Variants in TEX36 observed in about 807,000 individuals in gnomAD.
TEX36 encodes testis expressed 36.
In TEX36, 12 loss-of-function variants were observed where a neutral mutation model predicts 13.6. The ratio of observed to expected loss-of-function variants is 0.88; its 90% CI spans 0.56 to 1.43. The LOEUF (loss-of-function observed/expected upper bound fraction) is 1.43. Among genes scored for constraint, TEX36 ranks in the 40% most tolerant of loss-of-function variants. TEX36 has a pLI of 0.00. For synonymous variants in TEX36, 93 were observed against 83.0 expected (o/e 1.12, Z -0.65); for missense variants, 224 against 228.3 (o/e 0.98, Z 0.12).
At chr10:125,579,450 C>T (rs1348022636) in intron 3 of TEX36, among the ~76,000 whole-genome samples, 1 of 152,168 alleles carries the variant, frequency 6.6e-6, no homozygotes, top group Admixed American at 6.5e-5. Flanking sequence ...CATGAAGCCC[C>T]TCACCCAACA....
At chr10:125,634,294 T>C (rs1158841005) in intron 3 of TEX36, among the ~76,000 whole-genome samples, 2 of 152,084 alleles carry the variant, frequency 1.3e-5, no homozygotes, top group Non-Finnish European at 2.9e-5. Context: ...ACATCTCTCT[T>C]TGATGCCAAG....
intron 1 of TEX36, among the ~76,000 whole-genome samples, chr10:125,666,665 C>G (rs960194002): frequency 6.6e-6 from 1 of 152,010 alleles, no homozygotes; most frequent in Admixed American, 6.6e-5. Flanking sequence ...TCTCTCCCCG[C>G]CCCCCCTCCT....
intron 3 of TEX36, 50 bp from the exon 4 acceptor site, chr10:125,656,246 G>GTTTTT: frequency 2.3e-6 from 1 of 432,932 alleles, no homozygotes; most frequent in Non-Finnish European, 3.5e-6. Flanking sequence ...AGTTCACATA[G>GTTTTT]TTCTTTTTTT....
At chr10:125,606,956 A>C (rs1457507746) in intron 3 of TEX36, among the ~76,000 whole-genome samples, 1 of 152,234 alleles carries the variant, frequency 6.6e-6, no homozygotes, top group African/African-American at 2.4e-5. Context: ...CGTACACATA[A>C]AGCGCCCAAC....
At chr10:125,643,479 C>T (rs1160679735) in intron 3 of TEX36, among the ~76,000 whole-genome samples, 3 of 152,084 alleles carry the variant, frequency 2.0e-5, no homozygotes, top group Non-Finnish European at 2.9e-5. Context: ...CACGATGGCT[C>T]ATGCCTGTAA....
intron 3 of TEX36, among the ~76,000 whole-genome samples, chr10:125,604,647 AC>A (rs2133545986): frequency 6.6e-6 from 1 of 152,296 alleles, no homozygotes; most frequent in Admixed American, 6.5e-5. Context: ...CCCCATCTCT[AC>A]TAAAAATACA....
At chr10:125,625,842 C>A (rs973731871) in intron 3 of TEX36, among the ~76,000 whole-genome samples, 2 of 152,210 alleles carry the variant, frequency 1.3e-5, no homozygotes, top group African/African-American at 4.8e-5. Context: ...TTTCTCCAAG[C>A]GATGCCACCG....
chr10:125,637,940 C>T (rs369261511), intron 3 of TEX36, among the ~76,000 whole-genome samples: 9 of 152,016 alleles, frequency 5.9e-5, no homozygotes, highest in East Asian at 3.9e-4. Flanking sequence ...CCCCTGCTGC[C>T]GGGCCCCCTC....
chr10:125,635,188 A>G (rs891297029), intron 3 of TEX36, among the ~76,000 whole-genome samples: 1 of 152,190 alleles, frequency 6.6e-6, no homozygotes, highest in African/African-American at 2.4e-5. Flanking sequence ...AGGCTCCACC[A>G]CATTGCTCCA....
At chr10:125,627,130 C>A (rs1275855763) in intron 3 of TEX36, among the ~76,000 whole-genome samples, 1 of 152,126 alleles carries the variant, frequency 6.6e-6, no homozygotes, top group Non-Finnish European at 1.5e-5. Context: ...AGGAGAAGAA[C>A]CTTGAGAGAA....
chr10:125,631,378 C>G lies in TEX36; in HGVS notation c.265-9733G>C, dbSNP rs553233934. Reference sequence around the variant, plus strand: ...CTATTTCAGAAGCCCTCTGTGTAGCCACACACCTTCGGGGTGGGCCTCGGC... The same window carrying G: ...CTATTTCAGAAGCCCTCTGTGTAGCGACACACCTTCGGGGTGGGCCTCGGC... On this transcript the variant is annotated intron_variant, in intron 3 of 3. Transcript: ENST00000526819. 1.2e-3 allele frequency among the ~76,000 whole-genome samples: 178 copies of G among 152,294 alleles called. 5 individuals are homozygous for G. In the South Asian group the frequency reaches 0.036, roughly 31 times the overall value.
chr10:125,661,547 C>A (rs1847042850), intron 2 of TEX36, among the ~76,000 whole-genome samples: 1 of 152,092 alleles, frequency 6.6e-6, no homozygotes, highest in South Asian at 2.1e-4. Flanking sequence ...ACTGCAGGGC[C>A]TGGAAGTTGC....
intron 3 of TEX36, among the ~76,000 whole-genome samples, chr10:125,657,072 CA>C (rs112027464): frequency 0.013 from 1,902 of 151,960 alleles, 36 homozygotes; most frequent in African/African-American, 0.043. Context: ...CAAAATTGTA[CA>C]TTCTGTTTGT....
chr10:125,588,165 A>G (rs1845980442), intron 3 of TEX36, among the ~76,000 whole-genome samples: 1 of 152,242 alleles, frequency 6.6e-6, no homozygotes. Context: ...GTCAAAGGGT[A>G]CAGACATTTG....
intron 1 of TEX36, among the ~76,000 whole-genome samples, chr10:125,673,517 C>T (rs560664243): frequency 2.0e-5 from 3 of 151,926 alleles, no homozygotes; most frequent in Non-Finnish European, 2.9e-5. Context: ...TCAAGACCAG[C>T]CTGGTCAACA....
At position 125,677,767 on chromosome 10, in the gene TEX36, C is replaced by T. The variant is rs559025815; in HGVS notation, c.51+5172G>A. Among the ~76,000 whole-genome samples the T allele has an allele frequency of 1.4e-4, 22 of 152,244 alleles. No individual in the cohort carries two copies. In the South Asian group the frequency reaches 3.1e-3, roughly 22 times the overall value. ...TGCGATCTTGGCTCACTGCAACCTC[C>T]GCCACCCAGACTCAATTGATCCTCC... On this transcript the variant is annotated intron_variant, in intron 1 of 3. Coordinates refer to ENST00000368821, the MANE Select transcript of TEX36 (RefSeq NM_001128202.3).
downstream of TEX36, among the ~76,000 whole-genome samples, chr10:125,617,836 C>T (rs2133557008): frequency 6.6e-6 from 1 of 152,150 alleles, no homozygotes; most frequent in East Asian, 1.9e-4. Flanking sequence ...GTTGGCCTGC[C>T]TTGCTAGATT....
chr10:125,636,471 C>T (rs1486703579), intron 3 of TEX36, among the ~76,000 whole-genome samples: 2 of 152,102 alleles, frequency 1.3e-5, no homozygotes, highest in African/African-American at 4.8e-5. Context: ...GCCTCGGCCT[C>T]CCAAAGTGCT....
At chr10:125,640,071 A>T in intron 3 of TEX36, 1 of 721,038 alleles carries the variant, frequency 1.4e-6, no homozygotes, top group Non-Finnish European at 1.7e-6. Context: ...TTATCCCGTC[A>T]GTAGCTATAT....
Sources: allele counts gnomAD v4.1 joint callset (sites outside exome capture counted in the v4.1 genomes callset), GRCh38; gene constraint gnomAD v4.1.1; transcripts MANE v1.5; gene names NCBI Gene and HGNC (gene_info 2026-07-23, HGNC 2026-07-21).